The following CCBE1 variants were observed in gnomAD, a reference collection of about 807,000 sequenced individuals.
The protein encoded by CCBE1 is collagen and calcium binding EGF domains 1.
A neutral mutation model predicts 50.0 loss-of-function variants in CCBE1; 37 were observed. The observed-to-expected ratio is 0.74, with a 90% confidence interval of 0.57 to 0.97. The LOEUF is 0.97. Among genes scored for constraint, CCBE1 ranks in the 50% least tolerant of loss-of-function variants. The pLI is 0.00. For missense variants in CCBE1, 538 were observed against 523.8 expected (o/e 1.03, Z -0.26); for synonymous variants, 234 against 203.7 (o/e 1.15, Z -1.27).
At chr18:59,547,940 G>A (rs1200885874) in intron 2 of CCBE1, among the ~76,000 whole-genome samples, 1 of 152,192 alleles carries the variant, frequency 6.6e-6, no homozygotes, top group Non-Finnish European at 1.5e-5. Context: ...TTTTGGCCAG[G>A]ATTTTGAAGA....
At chr18:59,592,185 G>C (rs543232697) in intron 2 of CCBE1, among the ~76,000 whole-genome samples, 29 of 152,278 alleles carry the variant, frequency 1.9e-4, no homozygotes, top group South Asian at 1.2e-3. Context: ...TATCCTGCCT[G>C]TGAACAGCCA....
intron 2 of CCBE1, among the ~76,000 whole-genome samples, chr18:59,584,176 C>A (rs1055707757): frequency 6.6e-6 from 1 of 152,048 alleles, no homozygotes; most frequent in Non-Finnish European, 1.5e-5. Context: ...AGCCATAAAA[C>A]ATGATGAGTT....
intron 2 of CCBE1, among the ~76,000 whole-genome samples, chr18:59,563,243 A>G (rs1329003749): frequency 6.6e-6 from 1 of 152,212 alleles, no homozygotes; most frequent in Non-Finnish European, 1.5e-5. Context: ...TCTGCTTGTT[A>G]GAATACATGT....
At chr18:59,461,659 T>G (rs1911482037) in intron 5 of CCBE1, among the ~76,000 whole-genome samples, 1 of 151,858 alleles carries the variant, frequency 6.6e-6, no homozygotes, top group African/African-American at 2.4e-5. Context: ...TAAGACTATT[T>G]GCAATTGCTA....
At chr18:59,693,948 T>C (rs1180560523) in intron 2 of CCBE1, among the ~76,000 whole-genome samples, 2 of 136,252 alleles carry the variant, frequency 1.5e-5, no homozygotes, top group Non-Finnish European at 3.1e-5. Context: ...CTCAGCTCAC[T>C]GCAACCTCCG....
intron 2 of CCBE1, among the ~76,000 whole-genome samples, chr18:59,658,382 T>C (rs1226248972): frequency 1.0e-4 from 2 of 19,842 alleles, no homozygotes; most frequent in African/African-American, 6.5e-4. Context: ...TATATATATA[T>C]ATATATATAT....
At chr18:59,493,351 A>G (rs1913200079) in intron 2 of CCBE1, among the ~76,000 whole-genome samples, 1 of 152,220 alleles carries the variant, frequency 6.6e-6, no homozygotes, top group African/African-American at 2.4e-5. Flanking sequence ...TAGGATTTCT[A>G]CTTTAAATCA....
At chr18:59,674,428 A>G (rs942748283) in intron 2 of CCBE1, among the ~76,000 whole-genome samples, 1 of 152,090 alleles carries the variant, frequency 6.6e-6, no homozygotes, top group South Asian at 2.1e-4. Context: ...ATGAGAACAC[A>G]TGGATACAGG....
At chr18:59,556,730 AC>A (rs2052662377) in intron 2 of CCBE1, among the ~76,000 whole-genome samples, 1 of 152,206 alleles carries the variant, frequency 6.6e-6, no homozygotes, top group Non-Finnish European at 1.5e-5. Context: ...AACTCTTCCA[AC>A]CCACACTGAG....
chr18:59,513,346 G>T (rs1479197112), intron 2 of CCBE1, among the ~76,000 whole-genome samples: 1 of 152,160 alleles, frequency 6.6e-6, no homozygotes, highest in African/African-American at 2.4e-5. Flanking sequence ...AAGGGCACAG[G>T]TGCAGGTGTT....
chr18:59,519,853 G>A (rs946980511), intron 2 of CCBE1, among the ~76,000 whole-genome samples: 2 of 152,174 alleles, frequency 1.3e-5, no homozygotes, highest in Non-Finnish European at 2.9e-5. Flanking sequence ...TTTGTATAAG[G>A]TGTAAGGAAG....
intron 2 of CCBE1, among the ~76,000 whole-genome samples, chr18:59,593,922 A>C (rs911248838): frequency 1.3e-5 from 2 of 152,108 alleles, no homozygotes; most frequent in African/African-American, 4.8e-5. Flanking sequence ...AAGAGGGGTG[A>C]CCTCCCATTC....
At chr18:59,517,147 T>G (rs756709662) in intron 2 of CCBE1, among the ~76,000 whole-genome samples, 1 of 152,222 alleles carries the variant, frequency 6.6e-6, no homozygotes, top group Non-Finnish European at 1.5e-5. Flanking sequence ...ACAAGTTATT[T>G]TTGACTTCTG....
chr18:59,689,006 A>C (rs1473014256), intron 2 of CCBE1, among the ~76,000 whole-genome samples: 5 of 152,202 alleles, frequency 3.3e-5, no homozygotes, highest in Admixed American at 2.6e-4. Flanking sequence ...CTAGGCAGTA[A>C]ATATCTGGGA....
intron 2 of CCBE1, among the ~76,000 whole-genome samples, chr18:59,613,765 G>A: frequency 6.6e-6 from 1 of 150,434 alleles, no homozygotes; most frequent in East Asian, 1.9e-4. Flanking sequence ...ATATCAATAT[G>A]GTTAGTTCTT....
chr18:59,583,672 TGTGTGTGTGCGC>T (rs750055503), intron 2 of CCBE1, among the ~76,000 whole-genome samples: 1,842 of 95,376 alleles, frequency 0.019, 13 homozygotes, highest in East Asian at 0.034. Flanking sequence ...TGTGTGTGTG[TGTGTGTGTGCGC>T]GCGCGCGCGC....
intron 2 of CCBE1, among the ~76,000 whole-genome samples, chr18:59,486,669 C>T (rs1912837682): frequency 6.6e-6 from 1 of 152,226 alleles, no homozygotes; most frequent in African/African-American, 2.4e-5. Context: ...CTCAGCAAGG[C>T]TTAGAAACCA....
chr18:59,532,285 T>A (rs558025976), intron 2 of CCBE1, among the ~76,000 whole-genome samples: 1 of 152,326 alleles, frequency 6.6e-6, no homozygotes, highest in Non-Finnish European at 1.5e-5. Context: ...ACTTAGGTGA[T>A]CTGCCTGTCT....
intron 2 of CCBE1, among the ~76,000 whole-genome samples, chr18:59,687,354 T>G (rs2054669642): frequency 6.6e-6 from 1 of 152,234 alleles, no homozygotes; most frequent in African/African-American, 2.4e-5. Flanking sequence ...CACATAACGT[T>G]AAATTTTTTC....
Sources: allele counts gnomAD v4.1 joint callset (sites outside exome capture counted in the v4.1 genomes callset), GRCh38; gene constraint gnomAD v4.1.1; transcripts MANE v1.5; gene names NCBI Gene and HGNC (gene_info 2026-07-23, HGNC 2026-07-21).